Variants in SPMAP2 observed in about 807,000 individuals in gnomAD.
SPMAP2 encodes Theg homolog.
the SPMAP2 span, among the ~76,000 whole-genome samples, chr19:366,569 G>A: frequency 1.3e-5 from 2 of 152,186 alleles, no homozygotes; most frequent in African/African-American, 2.4e-5. Flanking sequence ...ACAGAGACTT[G>A]GGAGAAGTTA....
At chr19:362,348 A>C in the SPMAP2 span, 1 of 1,610,680 alleles carries the variant, frequency 6.2e-7, no homozygotes, top group Non-Finnish European at 8.5e-7. Flanking sequence ...GGGGCTGGCC[A>C]CCACCTTCTT....
At chr19:371,835 G>A in the SPMAP2 span, among the ~76,000 whole-genome samples, 1 of 152,224 alleles carries the variant, frequency 6.6e-6, no homozygotes. Flanking sequence ...AAATAAAGCC[G>A]CATTTCATTG....
the SPMAP2 span, among the ~76,000 whole-genome samples, chr19:370,351 T>TG: frequency 1.6e-4 from 24 of 151,956 alleles, no homozygotes; most frequent in South Asian, 4.2e-4. Context: ...AGTTTTGTTT[T>TG]TTTTTTTTGA....
chr19:364,193 C>A, the SPMAP2 span, among the ~76,000 whole-genome samples: 2 of 150,482 alleles, frequency 1.3e-5, no homozygotes, highest in Non-Finnish European at 3.0e-5. Context: ...AAAAATTAGC[C>A]GGGCGTGGTG....
the SPMAP2 span, among the ~76,000 whole-genome samples, chr19:370,051 C>T: frequency 5.3e-5 from 8 of 151,992 alleles, no homozygotes; most frequent in African/African-American, 1.2e-4. Context: ...GGCCAGGATA[C>T]GGCGCACCTG....
the SPMAP2 span, among the ~76,000 whole-genome samples, chr19:370,967 A>T: frequency 6.6e-6 from 1 of 152,198 alleles, no homozygotes. Context: ...GACTGTTCTA[A>T]TTCCTGAGTG....
chr19:369,850 C>A, the SPMAP2 span, among the ~76,000 whole-genome samples: 3 of 152,238 alleles, frequency 2.0e-5, no homozygotes, highest in East Asian at 5.8e-4. Flanking sequence ...TAGGGTGGGG[C>A]AAAAACAAAT....
chr19:371,606 G>A, the SPMAP2 span, among the ~76,000 whole-genome samples: 4 of 152,142 alleles, frequency 2.6e-5, no homozygotes, highest in African/African-American at 9.7e-5. Flanking sequence ...AATGTGCAAC[G>A]TCCACCCTCA....
the SPMAP2 span, chr19:374,259 C>T: frequency 6.2e-7 from 1 of 1,607,214 alleles, no homozygotes. Context: ...GAAAGCCGCC[C>T]ACGCTGCCCC....
the SPMAP2 span, among the ~76,000 whole-genome samples, chr19:370,285 T>TA: frequency 6.6e-6 from 1 of 152,158 alleles, no homozygotes; most frequent in African/African-American, 2.4e-5. Flanking sequence ...TTCTGGGTAT[T>TA]ACCCTGGAGA....
chr19:366,734 A>G, the SPMAP2 span, among the ~76,000 whole-genome samples: 5 of 152,304 alleles, frequency 3.3e-5, no homozygotes, highest in Non-Finnish European at 7.4e-5. Context: ...ATTCGCACAC[A>G]TTACCCTTGT....
the SPMAP2 span, among the ~76,000 whole-genome samples, chr19:364,211 C>T: frequency 6.6e-6 from 1 of 150,606 alleles, no homozygotes; most frequent in Non-Finnish European, 1.5e-5. Context: ...GTGGCGGCTG[C>T]CTGTAGTCCC....
chr19:368,253 G>T, the SPMAP2 span, among the ~76,000 whole-genome samples: 1 of 152,150 alleles, frequency 6.6e-6, no homozygotes, highest in Admixed American at 6.5e-5. This position sits in a 1 kb window ranked among gnomAD's most constrained non-coding sequence, Gnocchi z 4.1. Context: ...ACCAGCCTAC[G>T]CAGAGACTGA....
the SPMAP2 span, among the ~76,000 whole-genome samples, chr19:364,230 A>G: frequency 4.6e-4 from 68 of 148,902 alleles, no homozygotes; most frequent in Middle Eastern, 7.1e-3. Flanking sequence ...CCAGCTACTC[A>G]GGAGGCTGAG....
the SPMAP2 span, chr19:367,168 C>T: frequency 1.2e-6 from 2 of 1,609,994 alleles, no homozygotes; most frequent in African/African-American, 1.3e-5. Flanking sequence ...GCTTTGACAA[C>T]TGGAGGATCC....
the SPMAP2 span, among the ~76,000 whole-genome samples, chr19:368,430 T>C: frequency 6.6e-6 from 1 of 151,882 alleles, no homozygotes; most frequent in East Asian, 1.9e-4. The surrounding 1 kb of genome is among the most constrained non-coding windows in gnomAD (Gnocchi z 4.1). Flanking sequence ...GTCTCCCACT[T>C]ATGCTTTGCT....
At chr19:373,178 A>G in the SPMAP2 span, among the ~76,000 whole-genome samples, 1 of 152,242 alleles carries the variant, frequency 6.6e-6, no homozygotes, top group African/African-American at 2.4e-5. Context: ...TGATACCTCA[A>G]TACCAAATTC....
the SPMAP2 span, among the ~76,000 whole-genome samples, chr19:373,150 C>T: frequency 2.6e-5 from 4 of 152,166 alleles, no homozygotes; most frequent in Admixed American, 6.5e-5. Context: ...CTCGAAGTGT[C>T]TCATTTGAAG....
At chr19:366,293 CATGT>C in the SPMAP2 span, among the ~76,000 whole-genome samples, 2 of 152,128 alleles carry the variant, frequency 1.3e-5, no homozygotes, top group African/African-American at 4.8e-5. Context: ...TGTATCCATG[CATGT>C]GTGTACCAGT....
Sources: gnomAD v4.1 joint callset for allele counts (sites outside exome capture counted in the v4.1 genomes callset) on GRCh38, gnomAD v4.1.1 for gene constraint, Gnocchi (gnomAD v3.1) non-coding constraint, MANE v1.5 for transcripts, NCBI Gene and HGNC (gene_info 2026-07-23, HGNC 2026-07-21) for gene names.